Variants in CRYBG3 observed in about 807,000 individuals in gnomAD.
CRYBG3 encodes the protein very large A-kinase anchor protein.
A neutral mutation model predicts 244.2 loss-of-function variants in CRYBG3; 127 were observed. The ratio of observed to expected loss-of-function variants is 0.52; its 90% confidence interval spans 0.45 to 0.60. The LOEUF is 0.60. CRYBG3 is among the 20% of genes least tolerant of loss of function. The pLI is 0.00. For synonymous variants in CRYBG3, 1,132 were observed against 1,195.8 expected (o/e 0.95, Z 1.10); for missense variants, 3,325 against 3,442.5 (o/e 0.97, Z 0.85).
intron 19 of CRYBG3, among the ~76,000 whole-genome samples, chr3:97,940,750 T>C (rs1290182564): frequency 6.6e-6 from 1 of 151,992 alleles, no homozygotes; most frequent in Non-Finnish European, 1.5e-5. Context: ...CTCCACAGTA[T>C]GTCTTTCTGA....
intron 16 of CRYBG3, among the ~76,000 whole-genome samples, chr3:97,913,222 G>A (rs924596634): frequency 6.6e-6 from 1 of 152,072 alleles, no homozygotes; most frequent in Non-Finnish European, 1.5e-5. Flanking sequence ...TCTAGTACCA[G>A]TCCGATCAAG....
chr3:97,924,467 T>G (rs2040017722), intron 17 of CRYBG3: 1 of 437,658 alleles, frequency 2.3e-6, no homozygotes, highest in Non-Finnish European at 4.5e-6. Context: ...ACTGTAAACT[T>G]AGTAGCTTAA....
chr3:97,877,203 C>T lies in CRYBG3; in HGVS notation c.6009C>T (p.Tyr2003=), dbSNP rs1051301777. The change falls in exon 4 of 22, where the codon TAC becomes TAT. Residue 2003 remains tyrosine, a synonymous_variant. Transcript: ENST00000389622. The part of the protein sequence containing the change: ...EQENSSFTIL[Y]EEPLQEEDKY... ...AAAATTCTTCCTTTACTATATTATA[C>T]GAAGAGCCCCTTCAAGAGGAGGACA... 21 of 1,613,508 alleles carry T rather than the reference C, an allele frequency of 1.3e-5. No individual in the cohort carries two copies. The highest frequency in any genetic ancestry group is 1.6e-4 in the Middle Eastern group (1 of 6,070).
chr3:97,851,790 G>A (rs1401784278), intron 2 of CRYBG3, among the ~76,000 whole-genome samples: 1 of 152,146 alleles, frequency 6.6e-6, no homozygotes, highest in Non-Finnish European at 1.5e-5. Flanking sequence ...GCAATGCTCA[G>A]CCATTGGAGG....
intron 17 of CRYBG3, among the ~76,000 whole-genome samples, chr3:97,931,859 C>G (rs147102737): frequency 7.8e-4 from 118 of 152,154 alleles, no homozygotes; most frequent in African/African-American, 2.6e-3. Context: ...CTATTTTTCT[C>G]TGACCTCATA....
intron 8 of CRYBG3, among the ~76,000 whole-genome samples, chr3:97,887,955 T>A (rs2039528931): frequency 6.6e-6 from 1 of 152,136 alleles, no homozygotes; most frequent in Non-Finnish European, 1.5e-5. Flanking sequence ...GTAAAACACC[T>A]TGTGGAATCC....
Position 97,875,323 on chromosome 3 carries a change from T to C in CRYBG3, c.4129T>C (p.Leu1377=). 1 of 1,434,850 alleles carries C rather than the reference T, an allele frequency of 7.0e-7. No homozygotes were observed. Among genetic ancestry groups the C allele is most frequent in the Non-Finnish European group, 9.1e-7 (1 of 1,101,354 alleles). 88.9% of individuals were successfully genotyped at this position (1,434,850 alleles called of 1,614,324 possible). A position where few individuals can be genotyped will look rare whatever the true frequency, so the allele number is the denominator to read the frequency against. ...QSTQISENKV[L]NEFFSLSNLA... is the part of the protein sequence containing the mutation. ...CACACAAATTAGTGAAAATAAAGTA[T>C]TAAATGAATTCTTCTCCCTAAGTAA... Residue 1377 remains leucine, a synonymous_variant, in exon 4 of 22, where the codon TTA becomes CTA. Transcript: ENST00000389622.
intron 8 of CRYBG3, among the ~76,000 whole-genome samples, chr3:97,887,172 G>A (rs918188205): frequency 1.3e-5 from 2 of 152,144 alleles, no homozygotes; most frequent in African/African-American, 4.8e-5. Flanking sequence ...GGCAGATGGT[G>A]TTACTCTCAT....
chr3:97,881,878 C>G (rs900859421), intron 7 of CRYBG3, among the ~76,000 whole-genome samples: 5 of 148,434 alleles, frequency 3.4e-5, no homozygotes, highest in Non-Finnish European at 4.4e-5. Context: ...TATTAGTATG[C>G]TACTGCTCCT....
intron 2 of CRYBG3, among the ~76,000 whole-genome samples, chr3:97,846,903 A>G (rs1345333180): frequency 6.6e-6 from 1 of 152,202 alleles, no homozygotes; most frequent in Non-Finnish European, 1.5e-5. Flanking sequence ...GAGACTGGGT[A>G]ATTTATAAAG....
intron 18 of CRYBG3, among the ~76,000 whole-genome samples, chr3:97,935,008 T>C (rs2107101568): frequency 6.6e-6 from 1 of 152,180 alleles, no homozygotes; most frequent in South Asian, 2.1e-4. Context: ...CTACTCTCAC[T>C]ATTCCAAATT....
intron 15 of CRYBG3, among the ~76,000 whole-genome samples, chr3:97,900,707 C>T (rs1026136283): frequency 1.3e-5 from 2 of 152,128 alleles, no homozygotes; most frequent in Non-Finnish European, 2.9e-5. Flanking sequence ...CCTGACAGAG[C>T]GGTAGCTCTG....
Position 97,900,440 on chromosome 3 carries a change from A to G in CRYBG3, c.7972-13A>G, listed in dbSNP as rs754609089. ...TGATTACAATTTTGAAAATGTTTTA[A>G]TATGTTTTTCAGGAACCACTTGGGA... On this transcript the variant is annotated splice_polypyrimidine_tract_variant and intron_variant, in intron 14 of 21. Coordinates refer to ENST00000389622, the MANE Select transcript of CRYBG3 (RefSeq NM_153605.4). 3.9e-6 allele frequency: 6 copies of G among 1,532,612 alleles called. No individual in the cohort carries two copies. The highest frequency in any genetic ancestry group is 1.7e-4 in the Middle Eastern group (1 of 5,910). 94.9% of individuals were successfully genotyped at this position (1,532,612 alleles called of 1,614,324 possible).
intron 15 of CRYBG3, among the ~76,000 whole-genome samples, chr3:97,910,351 C>T (rs1485425149): frequency 6.6e-6 from 1 of 152,204 alleles, no homozygotes; most frequent in Non-Finnish European, 1.5e-5. Context: ...CCCAGCCTGG[C>T]TGCCGCCTTG....
chr3:97,889,886 T>A (rs547246349), intron 10 of CRYBG3, among the ~76,000 whole-genome samples: 14 of 151,954 alleles, frequency 9.2e-5, no homozygotes, highest in Admixed American at 2.0e-4. Context: ...GGTGCCAGGA[T>A]CAAGCAAATT....
At chr3:97,879,415 T>C (rs187767384) in intron 4 of CRYBG3, among the ~76,000 whole-genome samples, 3 of 152,332 alleles carry the variant, frequency 2.0e-5, no homozygotes, top group Admixed American at 2.0e-4. Flanking sequence ...CCTAGTGTTT[T>C]CCTTGTATTT....
chr3:97,927,801 A>G (rs1016938684), intron 17 of CRYBG3, among the ~76,000 whole-genome samples: 1 of 152,150 alleles, frequency 6.6e-6, no homozygotes, highest in Admixed American at 6.6e-5. Context: ...AAGCATATGA[A>G]AAAATGCTCA....
At chr3:97,901,984 T>G (rs145670053) in intron 15 of CRYBG3, among the ~76,000 whole-genome samples, 2 of 152,360 alleles carry the variant, frequency 1.3e-5, no homozygotes, top group African/African-American at 4.8e-5. Context: ...ATTCTTGCTT[T>G]ACCCAGTATC....
chr3:97,846,409 G>A (rs1236740975), intron 2 of CRYBG3, among the ~76,000 whole-genome samples: 1 of 152,126 alleles, frequency 6.6e-6, no homozygotes, highest in Non-Finnish European at 1.5e-5. Context: ...TTTGGCTCCT[G>A]TGTCTTTACG....
Sources: gnomAD v4.1 joint callset for allele counts (sites outside exome capture counted in the v4.1 genomes callset) on GRCh38, gnomAD v4.1.1 for gene constraint, MANE v1.5 for transcripts, NCBI Gene and HGNC (gene_info 2026-07-23, HGNC 2026-07-21) for gene names.